Variants in TCF7 observed in about 807,000 individuals in gnomAD.
The protein encoded by TCF7 is transcription factor 7, also known as T-cell-factor-7.
In TCF7, 19 loss-of-function variants were observed where a neutral mutation model predicts 46.8. That is an observed-to-expected ratio of 0.41 (90% CI 0.28 to 0.60). TCF7 has a LOEUF of 0.60. Among genes scored for constraint, TCF7 ranks in the 20% least tolerant of loss-of-function variants. The pLI, the probability that TCF7 is intolerant of heterozygous loss-of-function variation, is 0.35. For missense variants in TCF7, 547 were observed against 504.6 expected (o/e 1.08, Z -0.81); for synonymous variants, 245 against 213.4 (o/e 1.15, Z -1.29).
rs191962749 is a variant in TCF7, at chr5:134,138,220, C to T, written c.547+56C>T. 1.4e-3 allele frequency: 2,168 copies of T among 1,521,090 alleles called. 20 individuals carry two copies. In the African/African-American group the frequency reaches 0.023, roughly 16 times the overall value. The allele number at this position is 1,521,090 out of a possible 1,614,324, so 94.2% of individuals were successfully genotyped here. On this transcript the variant is annotated intron_variant, in intron 4 of 9. Transcript: ENST00000342854. ...GAAACCAGAGCCTAAGGGCCAAGACCCCAGCTTCTGAGACCAGGTAGCTGG... is the reference window on the plus strand; with the variant it reads ...GAAACCAGAGCCTAAGGGCCAAGACTCCAGCTTCTGAGACCAGGTAGCTGG...
At position 134,114,972 on chromosome 5, in the gene TCF7, G is replaced by A; in HGVS notation, c.66G>A (p.Glu22=). Residue 22 remains glutamate, a synonymous_variant, in exon 1 of 10, where the codon GAG becomes GAA. Coordinates refer to ENST00000342854, the MANE Select transcript of TCF7 (RefSeq NM_003202.5). ...GGGDDLGAPD[E]LLAFQDEGEE... ...GCGACGACCTCGGCGCGCCGGACGA[G>A]CTGCTGGCCTTCCAGGATGAAGGCG... The A allele has an allele frequency of 1.7e-6, 2 of 1,194,718 alleles. No homozygotes were observed. The highest frequency in any genetic ancestry group is 2.1e-6 in the Non-Finnish European group (2 of 940,106). The allele number at this position is 1,194,718 out of a possible 1,614,324, so 74.0% of individuals were successfully genotyped here.
chr5:134,114,606 G>A (rs552660646), upstream of TCF7: 3 of 151,648 alleles, frequency 2.0e-5, no homozygotes, highest in East Asian at 2.0e-4. Flanking sequence ...GGCCTCTCCC[G>A]GGAGAGGAGA....
intron 9 of TCF7, chr5:134,145,606 CCT>C: frequency 1.1e-6 from 1 of 871,970 alleles, no homozygotes; most frequent in Non-Finnish European, 1.8e-6. Flanking sequence ...ACTTGTCCAG[CCT>C]CTCAGTGTAC....
Position 134,114,994 on chromosome 5 carries a change from G to A in TCF7, c.88G>A (p.Gly30Ser). Residue 30 changes from glycine to serine, a missense_variant, in exon 1 of 10, where the codon GGC (glycine) becomes AGC (serine). By Grantham distance (56) the Gly-to-Ser change is moderately conservative. Coordinates refer to ENST00000342854, the MANE Select transcript of TCF7 (RefSeq NM_003202.5). Reference sequence around the variant, plus strand: ...CGAGCTGCTGGCCTTCCAGGATGAAGGCGAGGAGCAGGACGACAAGAGCCG... The same window carrying A: ...CGAGCTGCTGGCCTTCCAGGATGAAAGCGAGGAGCAGGACGACAAGAGCCG... ...PDELLAFQDE[G>S]EEQDDKSRDS... The A allele has an allele frequency of 8.0e-7, 1 of 1,242,694 alleles. No homozygotes were observed. The highest frequency in any genetic ancestry group is 1.5e-5 in the South Asian group (1 of 65,242). The allele number at this position is 1,242,694 out of a possible 1,614,324, so 77.0% of individuals were successfully genotyped here.
intron 3 of TCF7, among the ~76,000 whole-genome samples, chr5:134,131,417 A>G (rs1175498102): frequency 6.6e-6 from 1 of 152,158 alleles, no homozygotes; most frequent in Non-Finnish European, 1.5e-5. Flanking sequence ...GCAATAGCCC[A>G]CCTTTCTGTC....
chr5:134,115,061 A>C lies in TCF7; in HGVS notation c.155A>C (p.Lys52Thr). 1 of 1,205,112 alleles carries C rather than the reference A, an allele frequency of 8.3e-7. No homozygotes were observed. Among genetic ancestry groups the C allele is most frequent in the Middle Eastern group, 3.5e-4 (1 of 2,824 alleles). 74.7% of individuals were successfully genotyped at this position (1,205,112 alleles called of 1,614,324 possible). ...CCCGAGCGCGACCTGGCCGAGCTCA[A>C]GTCGTCGCTCGTGAACGAGTCCGAG... is the stretch of plus-strand genomic sequence containing the variant. The part of the protein sequence containing the change: ...AGPERDLAEL[K>T]SSLVNESEGA... The change falls in exon 1 of 10, where the codon AAG becomes ACG. Residue 52 changes from lysine to threonine, a missense_variant. Lys to Thr is a moderately conservative substitution (Grantham distance 78). This residue lies in a region of TCF7 where 425 missense variants were observed against 349.9 expected (regional missense o/e 1.21). Coordinates refer to ENST00000342854, the MANE Select transcript of TCF7 (RefSeq NM_003202.5).
In TCF7 at chr5:134,146,793, T is replaced by C; in HGVS notation, c.*490T>C. On this transcript the variant is annotated 3_prime_UTR_variant, in exon 10 of 10. Transcript: ENST00000342854. ...GCATCTATTCTTTGTACCATCTGTCTTGCCAGCCAGAAGCCTCTGCCTCCC... is the reference window on the plus strand; with the variant it reads ...GCATCTATTCTTTGTACCATCTGTCCTGCCAGCCAGAAGCCTCTGCCTCCC... The C allele has an allele frequency of 4.1e-6, 2 of 489,342 alleles. No homozygotes were observed. Among genetic ancestry groups the C allele is most frequent in the Non-Finnish European group, 7.2e-6 (2 of 277,346 alleles). The allele number at this position is 489,342 out of a possible 1,614,324, so 30.3% of individuals were successfully genotyped here.
rs977827019 is a variant in TCF7, at chr5:134,137,965, T to C, written c.442-94T>C. 9.1e-6 allele frequency: 10 copies of C among 1,104,134 alleles called. No homozygotes were observed. The African/African-American group carries it at 1.4e-4, about 16-fold the overall frequency. The allele number at this position is 1,104,134 out of a possible 1,614,324, so 68.4% of individuals were successfully genotyped here. A position where few individuals can be genotyped will look rare whatever the true frequency, so the allele number is the denominator to read the frequency against. ...AGGCCTGTGGTTTTGGCCACCACTTTTCTTTGACAGCTGGGCTTCCTGTAT... is the reference window on the plus strand; with the variant it reads ...AGGCCTGTGGTTTTGGCCACCACTTCTCTTTGACAGCTGGGCTTCCTGTAT... On this transcript the variant is annotated intron_variant, in intron 3 of 9. Coordinates refer to ENST00000342854, the MANE Select transcript of TCF7 (RefSeq NM_003202.5).
intron 3 of TCF7, among the ~76,000 whole-genome samples, chr5:134,118,341 A>G (rs1212991428): frequency 6.6e-6 from 1 of 152,066 alleles, no homozygotes; most frequent in African/African-American, 2.4e-5. Flanking sequence ...CAGGCCTTAG[A>G]TCCAGGCCCC....
intron 3 of TCF7, among the ~76,000 whole-genome samples, chr5:134,117,596 A>G (rs1756000162): frequency 6.6e-6 from 1 of 152,048 alleles, no homozygotes; most frequent in Non-Finnish European, 1.5e-5. Flanking sequence ...GTGCTGGGAG[A>G]GTATCTGGAG....
the TCF7 span, among the ~76,000 whole-genome samples, chr5:134,108,995 G>A: frequency 1.5e-4 from 23 of 152,322 alleles, no homozygotes; most frequent in Middle Eastern, 6.8e-3. Flanking sequence ...AAAACAGCCA[G>A]GAGGGTTTCT....
chr5:134,130,262 C>G (rs961964902), intron 3 of TCF7, among the ~76,000 whole-genome samples: 1 of 152,212 alleles, frequency 6.6e-6, no homozygotes, highest in South Asian at 2.1e-4. Flanking sequence ...CCCAGGAAGT[C>G]GATTGTTGTA....
At chr5:134,122,260 GC>G (rs1325053916) in intron 3 of TCF7, among the ~76,000 whole-genome samples, 1 of 152,136 alleles carries the variant, frequency 6.6e-6, no homozygotes, top group Non-Finnish European at 1.5e-5. Context: ...AGGGCGGTTT[GC>G]CCCTCCTCTG....
At chr5:134,124,984 C>T (rs1757146365) in intron 3 of TCF7, among the ~76,000 whole-genome samples, 1 of 152,230 alleles carries the variant, frequency 6.6e-6, no homozygotes, top group African/African-American at 2.4e-5. Context: ...TGTGTGACCT[C>T]ACGCAAATCT....
At chr5:134,123,704 G>T in intron 3 of TCF7, 1 of 456,348 alleles carries the variant, frequency 2.2e-6, no homozygotes, top group Admixed American at 2.3e-5. Flanking sequence ...GGGCAGCGCT[G>T]GTTCCAGAGC....
chr5:134,143,431 A>G (rs749162343), intron 8 of TCF7, 161 bp from the exon 9 acceptor site: 2 of 883,222 alleles, frequency 2.3e-6, no homozygotes, highest in South Asian at 1.3e-5. Context: ...AATGCACTCC[A>G]TAGCAGCCTA....
intron 6 of TCF7, 74 bp downstream of exon 6, chr5:134,142,378 T>G (rs967428758): frequency 4.8e-6 from 6 of 1,253,764 alleles, no homozygotes; most frequent in Non-Finnish European, 6.2e-6. Context: ...GCCTGAGGAC[T>G]GCCACGAGGT....
In TCF7 at chr5:134,122,273, A is replaced by C. The variant is rs1756697488; in HGVS notation, c.441+6240A>C. On this transcript the variant is annotated intron_variant, in intron 3 of 9. Transcript: ENST00000342854. Reference sequence around the variant, plus strand: ...TTAGGGCGGTTTGCCCCTCCTCTGGAAAGTCGGGGTGAGTACTAGCTCAGC... The same window carrying C: ...TTAGGGCGGTTTGCCCCTCCTCTGGCAAGTCGGGGTGAGTACTAGCTCAGC... 1.3e-5 allele frequency among the ~76,000 whole-genome samples: 2 copies of C among 152,198 alleles called. 1 individual carries two copies. Among genetic ancestry groups the C allele is most frequent in the South Asian group, 4.1e-4 (2 of 4,820 alleles).
intron 3 of TCF7, among the ~76,000 whole-genome samples, chr5:134,134,872 A>G (rs1157439003): frequency 6.6e-6 from 1 of 152,210 alleles, no homozygotes; most frequent in Non-Finnish European, 1.5e-5. Flanking sequence ...AGGCTAAAGC[A>G]CCCATGGGAA....
Sources: gnomAD v4.1 joint callset for allele counts (sites outside exome capture counted in the v4.1 genomes callset) on GRCh38, gnomAD v4.1.1 for gene constraint, gnomAD v4.1.1 regional missense constraint, MANE v1.5 for transcripts, NCBI Gene and HGNC (gene_info 2026-07-23, HGNC 2026-07-21) for gene names.